TRMT11: variants seen among roughly 807,000 people sequenced by gnomAD.
TRMT11 encodes tRNA methyltransferase 11.
A neutral mutation model predicts 62.8 loss-of-function variants in TRMT11; 53 were observed. The observed-to-expected ratio is 0.84, with a 90% CI of 0.68 to 1.06. TRMT11 has a LOEUF of 1.06. TRMT11 is among the 50% of genes least tolerant of loss of function. The pLI is 0.00. For synonymous variants in TRMT11, 188 were observed against 190.3 expected (o/e 0.99, Z 0.10); for missense variants, 556 against 553.4 (o/e 1.00, Z -0.05).
intron 17 of TRMT11, among the ~76,000 whole-genome samples, chr6:126,103,815 C>A (rs185015329): frequency 1.5e-4 from 23 of 152,240 alleles, no homozygotes; most frequent in Admixed American, 5.9e-4. Context: ...TGGAGTCTTA[C>A]ATAACATAAT....
intron 12 of TRMT11, among the ~76,000 whole-genome samples, chr6:126,030,579 A>G (rs1238270454): frequency 6.6e-6 from 1 of 152,190 alleles, no homozygotes; most frequent in Non-Finnish European, 1.5e-5. Flanking sequence ...ACTGGTTTTC[A>G]CTTATCATAG....
intron 12 of TRMT11, among the ~76,000 whole-genome samples, chr6:126,030,284 A>G (rs934101970): frequency 3.3e-5 from 5 of 152,170 alleles, no homozygotes; most frequent in African/African-American, 1.2e-4. Context: ...TTTGATAAGG[A>G]GAGCAGGATT....
chr6:126,239,469 C>CTTAGTT, the TRMT11 span, among the ~76,000 whole-genome samples: 1 of 152,094 alleles, frequency 6.6e-6, no homozygotes, highest in Non-Finnish European at 1.5e-5. Flanking sequence ...ACTTATGAAG[C>CTTAGTT]TTAGTTTGGC....
At chr6:126,240,521 G>A in the TRMT11 span, among the ~76,000 whole-genome samples, 1 of 152,202 alleles carries the variant, frequency 6.6e-6, no homozygotes, top group African/African-American at 2.4e-5. Context: ...CTGCAGAACA[G>A]CAAATATTGG....
chr6:126,200,241 G>A (rs920602982), intron 3 of TRMT11, among the ~76,000 whole-genome samples: 4 of 152,130 alleles, frequency 2.6e-5, no homozygotes, highest in African/African-American at 4.8e-5. Flanking sequence ...AAAGATCCTC[G>A]AAGATATCCA....
chr6:126,243,320 C>G, the TRMT11 span, among the ~76,000 whole-genome samples: 7 of 152,144 alleles, frequency 4.6e-5, no homozygotes, highest in African/African-American at 1.2e-4. Flanking sequence ...AATAGGAACA[C>G]TTTTACACTG....
intron 12 of TRMT11, among the ~76,000 whole-genome samples, chr6:126,026,500 C>T (rs1773122246): frequency 6.6e-6 from 1 of 151,932 alleles, no homozygotes; most frequent in Non-Finnish European, 1.5e-5. Context: ...ATTCTCCTTG[C>T]CTCAGCCTCC....
intron 1 of TRMT11, among the ~76,000 whole-genome samples, chr6:126,193,463 TA>T (rs1182359284): frequency 6.6e-6 from 1 of 151,228 alleles, no homozygotes; most frequent in African/African-American, 2.4e-5. Flanking sequence ...AGTGCATTGT[TA>T]GGTTATTTAA....
the TRMT11 span, among the ~76,000 whole-genome samples, chr6:126,259,982 C>G: frequency 6.6e-6 from 1 of 152,054 alleles, no homozygotes; most frequent in Admixed American, 6.6e-5. Context: ...CTCTTGCAGG[C>G]AGAATATAGT....
At chr6:126,013,220 C>A in intron 11 of TRMT11, 119 bp downstream of exon 11, 1 of 869,626 alleles carries the variant, frequency 1.1e-6, no homozygotes, top group Non-Finnish European at 1.7e-6. Context: ...TTTGTAATAG[C>A]CTTTGTTTGC....
rs1264061903 is a variant in TRMT11 at position 126,030,798 on chromosome 6, T to C, written c.1261-7907T>C. Among the ~76,000 whole-genome samples, 2 of 152,246 alleles carry C rather than the reference T, an allele frequency of 1.3e-5. 1 individual carries two copies. Among genetic ancestry groups the C allele is most frequent in the Non-Finnish European group, 2.9e-5 (2 of 68,036 alleles). ...AAATAGAAGCCATTTGGTTTTCTGCTGAATGACTATAGAGCTCTGCAACTT... is the reference window on the plus strand; with the variant it reads ...AAATAGAAGCCATTTGGTTTTCTGCCGAATGACTATAGAGCTCTGCAACTT... On this transcript the variant is annotated intron_variant, in intron 12 of 12. Coordinates refer to ENST00000334379, the MANE Select transcript of TRMT11 (RefSeq NM_001031712.3).
chr6:126,179,716 A>G (rs989229399), intron 1 of TRMT11, among the ~76,000 whole-genome samples: 3 of 152,210 alleles, frequency 2.0e-5, no homozygotes, highest in South Asian at 2.1e-4. Flanking sequence ...AAGAATAACT[A>G]TAAGACAGCT....
At chr6:126,042,527 A>G (rs574128094), downstream of TRMT11, among the ~76,000 whole-genome samples, 4 of 152,298 alleles carry the variant, frequency 2.6e-5, no homozygotes, top group East Asian at 5.8e-4. Flanking sequence ...TTCTTGTGAT[A>G]TTAAGATGTG....
chr6:126,213,638 G>T, the TRMT11 span, among the ~76,000 whole-genome samples: 3 of 151,956 alleles, frequency 2.0e-5, no homozygotes, highest in African/African-American at 7.2e-5. Flanking sequence ...AATTCTAATA[G>T]TTTTGTTACA....
intron 7 of TRMT11, among the ~76,000 whole-genome samples, chr6:126,005,562 TG>T (rs1450780305): frequency 6.6e-6 from 1 of 152,022 alleles, no homozygotes; most frequent in African/African-American, 2.4e-5. Context: ...ATTATTTTGA[TG>T]ATATTTTAGA....
At chr6:126,210,731 C>A in the TRMT11 span, among the ~76,000 whole-genome samples, 1 of 152,280 alleles carries the variant, frequency 6.6e-6, no homozygotes, top group Admixed American at 6.5e-5. Context: ...TCAAATCAAA[C>A]TTATGTTTGT....
At chr6:126,066,277 G>A (rs1482585885) in intron 17 of TRMT11, among the ~76,000 whole-genome samples, 1 of 152,194 alleles carries the variant, frequency 6.6e-6, no homozygotes. Context: ...CCCTTTGGGT[G>A]TGGCCTTACA....
chr6:126,009,542 AC>A (rs1793872059), intron 8 of TRMT11: 1 of 151,972 alleles, frequency 6.6e-6, no homozygotes, highest in African/African-American at 2.4e-5. Flanking sequence ...CCTTTTCCTC[AC>A]CCAGTATAAG....
chr6:126,253,426 G>A, the TRMT11 span, among the ~76,000 whole-genome samples: 1 of 152,146 alleles, frequency 6.6e-6, no homozygotes, highest in African/African-American at 2.4e-5. Flanking sequence ...TGACAAAAAG[G>A]ATAGTATAGT....
Sources: gnomAD v4.1 joint callset for allele counts (sites outside exome capture counted in the v4.1 genomes callset) on GRCh38, gnomAD v4.1.1 for gene constraint, MANE v1.5 for transcripts, NCBI Gene and HGNC (gene_info 2026-07-23, HGNC 2026-07-21) for gene names.